Variants in PRKCE observed in about 807,000 individuals in gnomAD.
The protein encoded by PRKCE is protein kinase C epsilon.
In PRKCE, 16 loss-of-function variants were observed where a neutral mutation model predicts 85.4. The observed-to-expected ratio is 0.19, with a 90% CI of 0.13 to 0.28. PRKCE has a LOEUF of 0.28. Among genes scored for constraint, PRKCE ranks in the 10% least tolerant of loss-of-function variants. The probability of loss-of-function intolerance (pLI) is 1.00; values close to 1 mark genes in which losing one functional copy is unlikely to be tolerated. For synonymous variants in PRKCE, 388 were observed against 371.5 expected (o/e 1.04, Z -0.51); for missense variants, 573 against 975.2 (o/e 0.59, Z 5.49).
chr2:45,917,414 G>A (rs1697882316), intron 2 of PRKCE, among the ~76,000 whole-genome samples: 1 of 152,062 alleles, frequency 6.6e-6, no homozygotes, highest in African/African-American at 2.4e-5. Context: ...GGTTCTGCAA[G>A]GCCCCACCAG....
rs1357848720 is a variant in PRKCE, at chr2:45,821,079, G to A, written c.349-21921G>A. 8.5e-5 allele frequency among the ~76,000 whole-genome samples: 13 copies of A among 152,102 alleles called. No individual in the cohort carries two copies. In the East Asian group the frequency reaches 1.5e-3, roughly 18 times the overall value. On this transcript the variant is annotated intron_variant, in intron 1 of 14. Coordinates refer to ENST00000306156, the MANE Select transcript of PRKCE (RefSeq NM_005400.3). ...GGTAGGGAGGTGGAGGAGGCTCTTG[G>A]TTCAGGACTTCCAAGGCTAGTCTGG...
intron 1 of PRKCE, among the ~76,000 whole-genome samples, chr2:45,712,074 A>G (rs1573023975): frequency 2.1e-5 from 3 of 144,496 alleles, no homozygotes; most frequent in East Asian, 4.2e-4. Flanking sequence ...TCTTCTCCAC[A>G]CTGTCTGTGT....
At chr2:45,928,891 C>T (rs964580294) in intron 2 of PRKCE, among the ~76,000 whole-genome samples, 5 of 152,078 alleles carry the variant, frequency 3.3e-5, no homozygotes, top group Non-Finnish European at 4.4e-5. Context: ...CCTTTTGTAC[C>T]CCGAGGCTGG....
chr2:45,664,464 T>C (rs1675819843), intron 1 of PRKCE, among the ~76,000 whole-genome samples: 1 of 152,274 alleles, frequency 6.6e-6, no homozygotes, highest in South Asian at 2.1e-4. Context: ...GGTAAAATTG[T>C]GCTTCTGTTT....
chr2:46,051,050 C>T (rs904354333), intron 10 of PRKCE, among the ~76,000 whole-genome samples: 1 of 152,188 alleles, frequency 6.6e-6, no homozygotes, highest in Non-Finnish European at 1.5e-5. Flanking sequence ...ACAATATGTG[C>T]ATCGTGTCAG....
intron 2 of PRKCE, among the ~76,000 whole-genome samples, chr2:45,911,742 G>C (rs1697395326): frequency 6.6e-6 from 1 of 152,176 alleles, no homozygotes; most frequent in African/African-American, 2.4e-5. Flanking sequence ...AAGGTGAGCT[G>C]GGCCTGCATT....
At chr2:46,021,581 G>A (rs971228243) in intron 10 of PRKCE, among the ~76,000 whole-genome samples, 2 of 152,060 alleles carry the variant, frequency 1.3e-5, no homozygotes, top group Non-Finnish European at 2.9e-5. Context: ...GCCCCTTACC[G>A]ATTAGAAACA....
chr2:45,773,254 G>T (rs537524495), intron 1 of PRKCE, among the ~76,000 whole-genome samples: 7 of 152,206 alleles, frequency 4.6e-5, no homozygotes, highest in African/African-American at 1.4e-4. Context: ...CTACAGGAGG[G>T]TGAGGCCTTT....
chr2:45,844,820 G>A (rs1691645502), intron 2 of PRKCE, among the ~76,000 whole-genome samples: 1 of 152,054 alleles, frequency 6.6e-6, no homozygotes, highest in Admixed American at 6.6e-5. Context: ...TACATTAGAG[G>A]GAAAGGAGAT....
chr2:45,748,053 A>G (rs555070271), intron 1 of PRKCE, among the ~76,000 whole-genome samples: 1 of 152,292 alleles, frequency 6.6e-6, no homozygotes, highest in South Asian at 2.1e-4. Flanking sequence ...GGTTCTTTGT[A>G]TATTCTAGAT....
At chr2:45,916,965 G>T (rs1317161068) in intron 2 of PRKCE, among the ~76,000 whole-genome samples, 3 of 152,160 alleles carry the variant, frequency 2.0e-5, no homozygotes, top group Non-Finnish European at 4.4e-5. Context: ...GCTCATAAAG[G>T]CAGTGTGGAC....
intron 2 of PRKCE, among the ~76,000 whole-genome samples, chr2:45,972,073 T>A (rs917711046): frequency 6.6e-6 from 1 of 152,184 alleles, no homozygotes; most frequent in African/African-American, 2.4e-5. Flanking sequence ...AATTTTACAT[T>A]CCCATGAACA....
intron 1 of PRKCE, among the ~76,000 whole-genome samples, chr2:45,760,879 G>A (rs967450592): frequency 5.3e-5 from 8 of 152,124 alleles, no homozygotes; most frequent in African/African-American, 1.4e-4. Context: ...GGAAACGCAC[G>A]TCTGATTCCA....
At chr2:45,833,540 A>G (rs1015152432) in intron 1 of PRKCE, among the ~76,000 whole-genome samples, 1 of 152,216 alleles carries the variant, frequency 6.6e-6, no homozygotes, top group Non-Finnish European at 1.5e-5. Context: ...AATCCTCCCA[A>G]CACTCTGAAG....
At chr2:45,941,160 A>G (rs1483553179) in intron 2 of PRKCE, among the ~76,000 whole-genome samples, 1 of 151,460 alleles carries the variant, frequency 6.6e-6, no homozygotes, top group Non-Finnish European at 1.5e-5. Flanking sequence ...TGCTCCTGGG[A>G]ACTGAAAGCA....
At chr2:45,715,849 T>A (rs557928846) in intron 1 of PRKCE, among the ~76,000 whole-genome samples, 1 of 152,280 alleles carries the variant, frequency 6.6e-6, no homozygotes, top group Non-Finnish European at 1.5e-5. Flanking sequence ...GAAGGCAAAC[T>A]GAAGTCCACA....
At chr2:46,124,132 C>T (rs1281654090) in intron 11 of PRKCE, among the ~76,000 whole-genome samples, 1 of 152,150 alleles carries the variant, frequency 6.6e-6, no homozygotes, top group Admixed American at 6.5e-5. Context: ...CAAGACCAGC[C>T]TGGCCAACAT....
chr2:45,940,779 C>T (rs1426366875), intron 2 of PRKCE, among the ~76,000 whole-genome samples: 1 of 152,068 alleles, frequency 6.6e-6, no homozygotes, highest in Non-Finnish European at 1.5e-5. Context: ...AGGCACCTGG[C>T]CGGGCGTGGT....
chr2:46,179,610 C>A (rs1381409618), intron 14 of PRKCE, among the ~76,000 whole-genome samples: 1 of 152,198 alleles, frequency 6.6e-6, no homozygotes, highest in Non-Finnish European at 1.5e-5. Flanking sequence ...AGGGGTCAGA[C>A]ATACCCACAA....
Sources: gnomAD v4.1 joint callset for allele counts (sites outside exome capture counted in the v4.1 genomes callset) on GRCh38, gnomAD v4.1.1 for gene constraint, MANE v1.5 for transcripts, NCBI Gene and HGNC (gene_info 2026-07-23, HGNC 2026-07-21) for gene names.